Variants in CFLAR observed in about 807,000 individuals in gnomAD.
CFLAR encodes CASP8 and FADD like apoptosis regulator.
A neutral mutation model predicts 51.1 loss-of-function variants in CFLAR; 14 were observed. The observed-to-expected ratio is 0.27, with a 90% CI of 0.18 to 0.43. CFLAR has a LOEUF of 0.43. Ranked by LOEUF, CFLAR falls within the 20% of genes least tolerant of loss-of-function variation. The pLI is 1.00. For synonymous variants in CFLAR, 210 were observed against 211.6 expected (o/e 0.99, Z 0.06); for missense variants, 390 against 566.5 (o/e 0.69, Z 3.16).
At chr2:201,155,927 CTT>C (rs1475237306) in intron 8 of CFLAR, among the ~76,000 whole-genome samples, 3 of 151,912 alleles carry the variant, frequency 2.0e-5, no homozygotes, top group East Asian at 1.9e-4. Context: ...GTCTGGCTAA[CTT>C]TGTTTTTTAT....
At chr2:201,149,116 T>A in intron 7 of CFLAR, 64 bp downstream of exon 7, 1 of 1,041,066 alleles carries the variant, frequency 9.6e-7, no homozygotes, top group Non-Finnish European at 1.5e-6. Context: ...CTGACTTCTT[T>A]AAAAATACCT....
At position 201,136,086 on chromosome 2, in the gene CFLAR, A is replaced by G; in HGVS notation, c.502A>G (p.Ile168Val). The G allele has an allele frequency of 6.2e-7, 1 of 1,614,056 alleles. No homozygotes were observed. The highest frequency in any genetic ancestry group is 8.5e-7 in the Non-Finnish European group (1 of 1,180,010). ...CCACAGAATAGACCTGAAGACAAAA[A>G]TCCAGAAGTACAAGCAGTCTGGTAA... ...NIHRIDLKTK[I>V]QKYKQSVQGA... Residue 168 changes from isoleucine (I) to valine (V), a missense_variant, in exon 4 of 10, where the codon ATC becomes GTC. Around this residue, in one of 2 missense-constraint regions of CFLAR, gnomAD observed 103 missense variants for 202.9 expected, o/e 0.51. Coordinates refer to ENST00000309955, the MANE Select transcript of CFLAR (RefSeq NM_003879.7).
chr2:201,141,332 G>A, intron 5 of CFLAR: 1 of 1,544,728 alleles, frequency 6.5e-7, no homozygotes, highest in Non-Finnish European at 8.7e-7. Context: ...TCCAGAGATA[G>A]TCTACACATA....
At chr2:201,122,254 A>C (rs2048258409) in intron 1 of CFLAR, among the ~76,000 whole-genome samples, 1 of 152,150 alleles carries the variant, frequency 6.6e-6, no homozygotes, top group Non-Finnish European at 1.5e-5. Context: ...TTTCCAGAAA[A>C]TTTTGCATGG....
At chr2:201,122,279 T>C (rs2125604139) in intron 1 of CFLAR, among the ~76,000 whole-genome samples, 1 of 152,348 alleles carries the variant, frequency 6.6e-6, no homozygotes, top group East Asian at 1.9e-4. Context: ...TTACCCATCC[T>C]TTTAGAATCA....
At chr2:201,163,422 G>A (rs761931776) in intron 9 of CFLAR, 22 of 1,115,222 alleles carry the variant, frequency 2.0e-5, no homozygotes, top group Middle Eastern at 4.1e-4. Flanking sequence ...GTACCTCTGC[G>A]TACCCCAGGA....
At chr2:201,144,650 T>G (rs1232816600) in intron 5 of CFLAR, among the ~76,000 whole-genome samples, 1 of 152,170 alleles carries the variant, frequency 6.6e-6, no homozygotes, top group East Asian at 1.9e-4. Context: ...GCCAGGTCTG[T>G]CTGGCCTAGA....
chr2:201,136,277 C>G lies in CFLAR; in HGVS notation c.523+170C>G, dbSNP rs374357909. The G allele has an allele frequency of 1.9e-6, 3 of 1,600,082 alleles. No individual in the cohort carries two copies. In the African/African-American group the frequency reaches 4.0e-5, roughly 21 times the overall value. On this transcript the variant is annotated intron_variant, in intron 4 of 9. Transcript: ENST00000309955. ...TCGCGTCCCTTTATATTCTTCATATCCCAGATCTGCCAACTCCATTGCCCT... is the reference window on the plus strand; with the variant it reads ...TCGCGTCCCTTTATATTCTTCATATGCCAGATCTGCCAACTCCATTGCCCT...
In CFLAR at chr2:201,140,340, C is replaced by T. The variant is rs750201907; in HGVS notation, c.524-17C>T. The stretch of plus-strand genomic sequence containing the variant: ...ATTTGTAAGTTTTAACTCAGTACCT[C>T]CCTTCTGCTTTTATAGTTCAAGGAG... On this transcript the variant is annotated splice_polypyrimidine_tract_variant and intron_variant, in intron 4 of 9. Coordinates refer to ENST00000309955, the MANE Select transcript of CFLAR (RefSeq NM_003879.7). The T allele has an allele frequency of 1.1e-4, 168 of 1,593,112 alleles. No individual in the cohort carries two copies. The Middle Eastern group carries it at 1.5e-3, about 14-fold the overall frequency.
rs1247130971 is a variant in CFLAR at position 201,172,524 on chromosome 2, A to G, written c.*8551A>G. 1 of 152,168 alleles carries G rather than the reference A, an allele frequency of 6.6e-6. No individual in the cohort carries two copies. Among genetic ancestry groups the G allele is most frequent in the Non-Finnish European group, 1.5e-5 (1 of 68,034 alleles). The allele number at this position is 152,168 out of a possible 1,614,324, so 9.4% of individuals were successfully genotyped here. A position where few individuals can be genotyped will look rare whatever the true frequency, so the allele number is the denominator to read the frequency against. On this transcript the variant is annotated 3_prime_UTR_variant, in exon 10 of 10. Transcript: ENST00000309955. ...CATCACCACTATCTAATTCCAGAAC[A>G]TTTCCATCTACCTAGAAACTCCATA...
Position 201,140,459 on chromosome 2 carries a change from A to C in CFLAR, c.606+20A>C. ...TTCAGGGTGAGTCTGGAGAAAACAT[A>C]TGGAATCCCAGCATGAAACCGTTTC... On this transcript the variant is annotated intron_variant, in intron 5 of 9. Transcript: ENST00000309955. 1.3e-6 allele frequency: 2 copies of C among 1,563,594 alleles called. No individual in the cohort carries two copies. Among genetic ancestry groups the C allele is most frequent in the African/African-American group, 2.8e-5 (2 of 72,666 alleles).
At position 201,118,371 on chromosome 2, in the gene CFLAR, G is replaced by C. The variant is rs900644052; in HGVS notation, c.-138+1890G>C. On this transcript the variant is annotated intron_variant, in intron 1 of 9. Transcript: ENST00000309955. The surrounding 1 kb of genome is among the most constrained non-coding windows in gnomAD (Gnocchi z 5.1). ...CCCGGGGTGGGCCGGATAGTGTGCA[G>C]TTTTTTGAGCCTTGGGCTGGGGACC... The C allele has an allele frequency of 5.3e-5, 8 of 152,208 alleles. No homozygotes were observed. The highest frequency in any genetic ancestry group is 1.9e-4 in the African/African-American group (8 of 41,424). 9.4% of individuals were successfully genotyped at this position (152,208 alleles called of 1,614,324 possible).
In CFLAR at chr2:201,149,030, A is replaced by T. The variant is rs749147785; in HGVS notation, c.689A>T (p.Glu230Val). The T allele has an allele frequency of 5.0e-6, 8 of 1,612,250 alleles. No individual in the cohort carries two copies. The highest frequency in any genetic ancestry group is 6.8e-6 in the Non-Finnish European group (8 of 1,178,334). ...QQEPVKKSIQ[E>V]SEAFLPQSIP... ...GAACCAGTGAAGAAATCCATTCAGG[A>T]ATCAGAAGCTTTTTTGCCTCAGGTA... is the stretch of plus-strand genomic sequence containing the variant. The change falls in exon 7 of 10, where the codon GAA becomes GTA. Residue 230 changes from glutamate (E) to valine (V), a missense_variant. Glu to Val is a moderately radical substitution (Grantham distance 121). Coordinates refer to ENST00000309955, the MANE Select transcript of CFLAR (RefSeq NM_003879.7).
At chr2:201,130,711 G>A (rs993970729) in intron 2 of CFLAR, among the ~76,000 whole-genome samples, 2 of 152,070 alleles carry the variant, frequency 1.3e-5, no homozygotes, top group Admixed American at 6.6e-5. Context: ...CAGGTAGAAG[G>A]GCAGCTGGTA....
At chr2:201,141,369 TACAG>T in intron 5 of CFLAR, 2 of 1,556,180 alleles carry the variant, frequency 1.3e-6, no homozygotes, top group Admixed American at 3.9e-5. Flanking sequence ...TTTTCTCTTC[TACAG>T]ATGATAACAC....
chr2:201,117,121 G>A (rs1014420504), intron 1 of CFLAR: 1 of 152,200 alleles, frequency 6.6e-6, no homozygotes, highest in Non-Finnish European at 1.5e-5. Context: ...CGCCGCCCTG[G>A]AGGGAATTTC....
At chr2:201,149,904 A>G in intron 8 of CFLAR, 69 bp downstream of exon 8, 1 of 1,185,792 alleles carries the variant, frequency 8.4e-7, no homozygotes, top group Non-Finnish European at 1.3e-6. Context: ...AGCTGTATTC[A>G]TTGGAGTGAT....
chr2:201,152,351 C>T (rs756726622), intron 8 of CFLAR, among the ~76,000 whole-genome samples: 2 of 151,956 alleles, frequency 1.3e-5, no homozygotes, highest in Non-Finnish European at 2.9e-5. Context: ...GCTGAGTTCT[C>T]GGCCTTCTTA....
chr2:201,141,500 A>T, intron 5 of CFLAR: 1 of 1,521,616 alleles, frequency 6.6e-7, no homozygotes, highest in Non-Finnish European at 8.8e-7. Context: ...TAAATGTGTT[A>T]TAATGTGTTT....
Sources: allele counts gnomAD v4.1 joint callset (sites outside exome capture counted in the v4.1 genomes callset), GRCh38; gene constraint gnomAD v4.1.1; regional missense constraint gnomAD v4.1.1; non-coding constraint Gnocchi (gnomAD v3.1); transcripts MANE v1.5; gene names NCBI Gene and HGNC (gene_info 2026-07-23, HGNC 2026-07-21).